RNF182: variants seen among roughly 807,000 people sequenced by gnomAD.
The protein encoded by RNF182 is ring finger protein 182.
A neutral mutation model predicts 14.4 loss-of-function variants in RNF182; 15 were observed. The ratio of observed to expected loss-of-function variants is 1.04; its 90% CI spans 0.70 to 1.60. The LOEUF (loss-of-function observed/expected upper bound fraction) is 1.60, where lower values mean the gene tolerates loss of function less well. RNF182 is among the 40% of genes most tolerant of loss of function. The pLI is 0.00. For missense variants in RNF182, 268 were observed against 294.8 expected (o/e 0.91, Z 0.67); for synonymous variants, 128 against 122.9 (o/e 1.04, Z -0.27).
intron 1 of RNF182, among the ~76,000 whole-genome samples, chr6:13,972,504 C>T (rs1167913952): frequency 3.9e-5 from 6 of 152,190 alleles, no homozygotes; most frequent in Non-Finnish European, 7.3e-5. Context: ...GGCAGCCCCT[C>T]CCATCACAGA....
At chr6:13,968,007 A>G (rs1450059683) in intron 1 of RNF182, among the ~76,000 whole-genome samples, 1 of 152,234 alleles carries the variant, frequency 6.6e-6, no homozygotes, top group Non-Finnish European at 1.5e-5. Context: ...AGCTATTTTC[A>G]GTATTTAAGC....
intron 1 of RNF182, among the ~76,000 whole-genome samples, chr6:13,936,867 A>C (rs773670149): frequency 6.6e-5 from 10 of 152,210 alleles, no homozygotes; most frequent in African/African-American, 1.4e-4. Flanking sequence ...ACAGGGCATC[A>C]TAAAAGCTTA....
chr6:13,931,803 C>A (rs1186317019), intron 1 of RNF182, among the ~76,000 whole-genome samples: 4 of 152,004 alleles, frequency 2.6e-5, no homozygotes, highest in Non-Finnish European at 5.9e-5. Flanking sequence ...ATGCTCATGT[C>A]CCCTCCAAAT....
intron 1 of RNF182, among the ~76,000 whole-genome samples, chr6:13,933,770 C>T (rs543808333): frequency 1.4e-4 from 22 of 152,274 alleles, no homozygotes; most frequent in African/African-American, 3.9e-4. Flanking sequence ...GTAATCCCAG[C>T]GCTTTGGAAG....
chr6:13,925,516 G>T (rs1298820517), intron 1 of RNF182: 1 of 152,214 alleles, frequency 6.6e-6, no homozygotes, highest in African/African-American at 2.4e-5. Context: ...GCATTTTGAG[G>T]AGGCTTCTGA....
At chr6:13,962,812 T>C (rs928847937) in intron 1 of RNF182, among the ~76,000 whole-genome samples, 4 of 152,174 alleles carry the variant, frequency 2.6e-5, no homozygotes, top group African/African-American at 7.2e-5. Context: ...GGTTGATGGA[T>C]TCTATAAGAA....
In RNF182 at chr6:13,977,213, AGGAAACCCAAAGTGCT is replaced by A; in HGVS notation, c.98_113del (p.Lys33SerfsTer15). On this transcript the variant is annotated frameshift_variant, in exon 3 of 3. Coordinates refer to ENST00000488300, the MANE Select transcript of RNF182 (RefSeq NM_152737.4). LOFTEE classifies it high-confidence loss of function. ...TTACAATCGATACAATCTGAAACAG[AGGAAACCCAAAGTGCT>A]GGAGTGTTGTCATAGGGTTTGTGCC... 1 of 1,614,220 alleles carries A rather than the reference AGGAAACCCAAAGTGCT, an allele frequency of 6.2e-7. No homozygotes were observed. The highest frequency in any genetic ancestry group is 1.1e-5 in the South Asian group (1 of 91,086).
chr6:13,926,078 A>G (rs891452138), intron 1 of RNF182, among the ~76,000 whole-genome samples: 5 of 152,224 alleles, frequency 3.3e-5, no homozygotes, highest in Non-Finnish European at 7.3e-5. Context: ...ATATATGTTA[A>G]TAAGATTTGT....
chr6:13,949,683 G>A (rs1032386203), intron 1 of RNF182: 3 of 278,262 alleles, frequency 1.1e-5, no homozygotes, highest in Non-Finnish European at 2.1e-5. Context: ...AGTTTTACTT[G>A]TTTCTCAGTT....
chr6:13,944,275 G>A (rs549060798), intron 1 of RNF182, among the ~76,000 whole-genome samples: 166 of 152,330 alleles, frequency 1.1e-3, no homozygotes, highest in African/African-American at 3.8e-3. Context: ...AGAACCAACA[G>A]TAAGTTATTT....
rs1041167110 is a variant in RNF182 at position 13,979,309 on chromosome 6, C to T, written c.*1446C>T. 3.0e-5 allele frequency: 5 copies of T among 166,558 alleles called. No individual in the cohort carries two copies. The highest frequency in any genetic ancestry group is 5.9e-5 in the Non-Finnish European group (4 of 68,110). 10.3% of individuals were successfully genotyped at this position (166,558 alleles called of 1,614,324 possible). ...CAAAAATTTAAAAAAACATTCTAGT[C>T]TCTAAAACCCATTACTAATGATTAA... On this transcript the variant is annotated 3_prime_UTR_variant, in exon 3 of 3. Coordinates refer to ENST00000488300, the MANE Select transcript of RNF182 (RefSeq NM_152737.4).
chr6:13,925,854 A>G (rs891691566), intron 1 of RNF182, among the ~76,000 whole-genome samples: 7 of 152,210 alleles, frequency 4.6e-5, no homozygotes, highest in Non-Finnish European at 1.5e-5. Flanking sequence ...TGCGGTTGCC[A>G]CTGGGGCACT....
At chr6:13,931,235 C>T (rs1026873628) in intron 1 of RNF182, among the ~76,000 whole-genome samples, 15 of 152,100 alleles carry the variant, frequency 9.9e-5, no homozygotes, top group African/African-American at 3.1e-4. Flanking sequence ...TTTCTGTCTC[C>T]TGAATTTGTG....
At chr6:13,976,437 A>C (rs1760326346) in intron 2 of RNF182, among the ~76,000 whole-genome samples, 1 of 152,248 alleles carries the variant, frequency 6.6e-6, no homozygotes, top group African/African-American at 2.4e-5. Flanking sequence ...CTCTGAAAAC[A>C]CATTTTTAAC....
chr6:13,949,951 T>C (rs1759544430), intron 1 of RNF182, among the ~76,000 whole-genome samples: 1 of 152,224 alleles, frequency 6.6e-6, no homozygotes, highest in African/African-American at 2.4e-5. Flanking sequence ...ACACAGAATT[T>C]CTTTTACAAG....
At chr6:13,945,997 C>T (rs1399347008) in intron 1 of RNF182, among the ~76,000 whole-genome samples, 1 of 152,066 alleles carries the variant, frequency 6.6e-6, no homozygotes, top group Non-Finnish European at 1.5e-5. Context: ...AGAAACACGT[C>T]TGCCTTAGGT....
rs150314612 is a variant in RNF182, at chr6:13,965,885, A to G, written c.-366-8325A>G. Among the ~76,000 whole-genome samples, 80 of 152,334 alleles carry G rather than the reference A, an allele frequency of 5.3e-4. 1 individual carries two copies. In the East Asian group the frequency reaches 0.015, roughly 28 times the overall value. On this transcript the variant is annotated intron_variant, in intron 1 of 2. Coordinates refer to ENST00000488300, the MANE Select transcript of RNF182 (RefSeq NM_152737.4). ...GGGCAGAAATGTAACAATGTATAAG[A>G]AAACAGGAACTAGAGAGGGGCAAGG...
At position 13,960,697 on chromosome 6, in the gene RNF182, G is replaced by A. The variant is rs364998; in HGVS notation, c.-366-13513G>A. 2.1e-4 allele frequency among the ~76,000 whole-genome samples: 31 copies of A among 149,838 alleles called. 1 individual carries two copies. In the Middle Eastern group the frequency reaches 0.01, roughly 49 times the overall value. On this transcript the variant is annotated intron_variant, in intron 1 of 2. Transcript: ENST00000488300. Reference sequence around the variant, plus strand: ...TGTGTGTGTGTGTGTGTGTGTGCGCGCGTGCACATGCATGTGATGTACAGT... The same window carrying A: ...TGTGTGTGTGTGTGTGTGTGTGCGCACGTGCACATGCATGTGATGTACAGT...
intron 1 of RNF182, among the ~76,000 whole-genome samples, chr6:13,927,244 T>A (rs1269431175): frequency 6.6e-6 from 1 of 152,182 alleles, no homozygotes; most frequent in Non-Finnish European, 1.5e-5. Context: ...TGTTCTGAGG[T>A]ATGTGCATAA....
Sources: allele counts gnomAD v4.1 joint callset (sites outside exome capture counted in the v4.1 genomes callset), GRCh38; gene constraint gnomAD v4.1.1; transcripts MANE v1.5; gene names NCBI Gene and HGNC (gene_info 2026-07-23, HGNC 2026-07-21).